The following TRMT11 variants were observed in gnomAD, a reference collection of about 807,000 sequenced individuals.
TRMT11 encodes the protein tRNA methyltransferase 11, also known as tRNA (guanine(10)-N(2))-methyltransferase TRMT11.
In TRMT11, 53 loss-of-function variants were observed where a neutral mutation model predicts 62.8. That is an observed-to-expected ratio of 0.84 (90% CI 0.68 to 1.06). The LOEUF is 1.06. Among genes scored for constraint, TRMT11 ranks in the 50% least tolerant of loss-of-function variants. TRMT11 has a pLI of 0.00. For synonymous variants in TRMT11, 188 were observed against 190.3 expected, an observed-to-expected ratio of 0.99 and a Z score of 0.10; for missense variants, 556 against 553.4, an observed-to-expected ratio of 1.00 and a Z score of -0.05.
At chr6:126,166,248 C>T (rs149529978) in intron 21 of TRMT11, among the ~76,000 whole-genome samples, 2 of 152,204 alleles carry the variant, frequency 1.3e-5, no homozygotes, top group East Asian at 3.9e-4. Flanking sequence ...CCTTTTTGCT[C>T]TATTTTTAAT....
chr6:126,116,227 G>A (rs896779249), intron 21 of TRMT11, among the ~76,000 whole-genome samples: 1 of 151,914 alleles, frequency 6.6e-6, no homozygotes, highest in Non-Finnish European at 1.5e-5. Context: ...TTGGGGCAAT[G>A]GGAGTGTGCT....
chr6:125,998,259 A>G lies in TRMT11; in HGVS notation c.331A>G (p.Lys111Glu), dbSNP rs1382024575. ...FLHSDSTYKI[K>E]IHTFNKTLTQ... ...ACATTCGGACTCTACATATAAAATA[A>G]AGATTCACACTTTTAATAAGACATT... is the stretch of plus-strand genomic sequence containing the variant. The change falls in exon 5 of 13, where the codon AAG (lysine) becomes GAG (glutamate). Residue 111 changes from lysine (K) to glutamate (E), a missense_variant. Coordinates refer to ENST00000334379, the MANE Select transcript of TRMT11 (RefSeq NM_001031712.3). 2 of 1,603,032 alleles carry G rather than the reference A, an allele frequency of 1.2e-6. No homozygotes were observed. Among genetic ancestry groups the G allele is most frequent in the Admixed American group, 3.3e-5 (2 of 59,790 alleles).
At chr6:126,003,691 T>G (rs1208458381) in intron 7 of TRMT11, among the ~76,000 whole-genome samples, 1 of 152,104 alleles carries the variant, frequency 6.6e-6, no homozygotes, top group Non-Finnish European at 1.5e-5. Flanking sequence ...ATTTGTCTTT[T>G]TTTGTCTTTT....
intron 2 of TRMT11, among the ~76,000 whole-genome samples, chr6:125,994,607 G>T (rs1261150138): frequency 1.3e-5 from 2 of 152,086 alleles, no homozygotes; most frequent in Non-Finnish European, 2.9e-5. Flanking sequence ...AAAAAACGGG[G>T]TATATACCCA....
At chr6:126,125,277 A>C (rs62426454) in intron 21 of TRMT11, among the ~76,000 whole-genome samples, 41,680 of 151,922 alleles carry the variant, frequency 0.27, 6,153 homozygotes, top group Middle Eastern at 0.43. Context: ...TATATGAAGA[A>C]ATTTTAGGAG....
At chr6:126,000,231 G>T (rs1365295637) in intron 7 of TRMT11, among the ~76,000 whole-genome samples, 1 of 152,108 alleles carries the variant, frequency 6.6e-6, no homozygotes, top group Non-Finnish European at 1.5e-5. Context: ...ACTCTGTGCA[G>T]ACTTTTTCCT....
the TRMT11 span, among the ~76,000 whole-genome samples, chr6:126,213,460 C>T: frequency 6.6e-6 from 1 of 151,508 alleles, no homozygotes; most frequent in Non-Finnish European, 1.5e-5. Flanking sequence ...TGAATACTCA[C>T]TTCTTTGGTT....
At chr6:126,127,752 G>A (rs1200090235) in intron 21 of TRMT11, among the ~76,000 whole-genome samples, 1 of 150,496 alleles carries the variant, frequency 6.6e-6, no homozygotes, top group East Asian at 2.0e-4. Flanking sequence ...AGAACACGTG[G>A]TGTTTGCTGA....
At chr6:126,258,574 C>T in the TRMT11 span, among the ~76,000 whole-genome samples, 2 of 152,238 alleles carry the variant, frequency 1.3e-5, no homozygotes, top group Non-Finnish European at 2.9e-5. Flanking sequence ...TTGGTCTGTT[C>T]AGATTTTCTA....
At chr6:126,162,824 A>G (rs527853476) in intron 21 of TRMT11, among the ~76,000 whole-genome samples, 10 of 152,252 alleles carry the variant, frequency 6.6e-5, no homozygotes, top group South Asian at 6.2e-4. Context: ...CTTTGTAGCA[A>G]TTGTGAATAG....
chr6:126,187,055 C>A (rs771678983), intron 1 of TRMT11, among the ~76,000 whole-genome samples: 6 of 152,002 alleles, frequency 3.9e-5, no homozygotes, highest in Admixed American at 1.3e-4. Flanking sequence ...TGCCTAAGAT[C>A]AAAATAGGGA....
the TRMT11 span, among the ~76,000 whole-genome samples, chr6:126,264,890 A>T: frequency 6.6e-6 from 1 of 152,162 alleles, no homozygotes; most frequent in Non-Finnish European, 1.5e-5. Context: ...TCTTTTAAAT[A>T]AATCTCTTTC....
At chr6:126,124,051 G>A (rs983361404) in intron 21 of TRMT11, among the ~76,000 whole-genome samples, 6 of 151,590 alleles carry the variant, frequency 4.0e-5, no homozygotes, top group South Asian at 2.1e-4. Context: ...TAGGTTTTTT[G>A]GTTTTGTCTT....
the TRMT11 span, among the ~76,000 whole-genome samples, chr6:126,258,643 T>A: frequency 1.3e-5 from 2 of 152,254 alleles, no homozygotes; most frequent in African/African-American, 4.8e-5. Flanking sequence ...ATTTCTTCTA[T>A]GTTATCAAAT....
intron 1 of TRMT11, among the ~76,000 whole-genome samples, chr6:126,178,968 G>T (rs891596261): frequency 6.6e-6 from 1 of 152,054 alleles, no homozygotes; most frequent in Non-Finnish European, 1.5e-5. Flanking sequence ...GTCTATCAGG[G>T]TATATAGGAG....
intron 11 of TRMT11, among the ~76,000 whole-genome samples, chr6:126,016,842 T>A (rs1795056335): frequency 6.6e-6 from 1 of 152,204 alleles, no homozygotes; most frequent in Non-Finnish European, 1.5e-5. Flanking sequence ...GATCCCCTGA[T>A]GTTCATTATT....
chr6:126,122,355 C>T (rs1489725499), intron 21 of TRMT11, among the ~76,000 whole-genome samples: 1 of 152,068 alleles, frequency 6.6e-6, no homozygotes. Flanking sequence ...TTCTCTTGCC[C>T]TCCTATCTCT....
the TRMT11 span, among the ~76,000 whole-genome samples, chr6:126,259,523 A>G: frequency 6.6e-5 from 10 of 152,178 alleles, no homozygotes; most frequent in Non-Finnish European, 1.3e-4. Context: ...TATCCAGTCT[A>G]CCATTGATGG....
the TRMT11 span, among the ~76,000 whole-genome samples, chr6:126,214,567 A>G: frequency 3.3e-5 from 5 of 151,856 alleles, no homozygotes; most frequent in East Asian, 1.9e-4. Context: ...TTTCTGTGGT[A>G]TCAGTTGTAT....
Sources: gnomAD v4.1 joint callset for allele counts (sites outside exome capture counted in the v4.1 genomes callset) on GRCh38, gnomAD v4.1.1 for gene constraint, MANE v1.5 for transcripts, NCBI Gene and HGNC (gene_info 2026-07-23, HGNC 2026-07-21) for gene names.